The following PLCB1 variants were observed in gnomAD, a reference collection of about 807,000 sequenced individuals.
PLCB1 encodes the protein phospholipase C beta 1, also known as 1-phosphatidylinositol 4,5-bisphosphate phosphodiesterase beta-1.
In PLCB1, 46 loss-of-function variants were observed where a neutral mutation model predicts 161.8. The ratio of observed to expected loss-of-function variants is 0.28; its 90% CI spans 0.22 to 0.36. PLCB1 has a LOEUF of 0.36. Ranked by LOEUF, PLCB1 falls within the 10% of genes least tolerant of loss-of-function variation. The pLI is 1.00. For synonymous variants in PLCB1, 517 were observed against 503.7 expected (o/e 1.03, Z -0.35); for missense variants, 1,016 against 1,472.5 (o/e 0.69, Z 5.07).
intron 3 of PLCB1, among the ~76,000 whole-genome samples, chr20:8,613,310 G>A (rs532527060): frequency 1.3e-5 from 2 of 152,230 alleles, no homozygotes; most frequent in East Asian, 3.9e-4. Context: ...AAGTGCTCAG[G>A]TATTAGAGCA....
chr20:8,803,299 G>A (rs1568605746), intron 31 of PLCB1, among the ~76,000 whole-genome samples: 2 of 152,126 alleles, frequency 1.3e-5, no homozygotes, highest in South Asian at 2.1e-4. Context: ...GTTCCAGGGA[G>A]CACATTTTAA....
intron 13 of PLCB1, 118 bp downstream of exon 13, chr20:8,716,466 G>A: frequency 1.3e-6 from 1 of 779,460 alleles, no homozygotes; most frequent in Non-Finnish European, 2.2e-6. Flanking sequence ...TGCAGTTGGT[G>A]ATGAAATCTT....
chr20:8,514,406 C>T (rs1480022977), intron 3 of PLCB1, among the ~76,000 whole-genome samples: 2 of 148,822 alleles, frequency 1.3e-5, no homozygotes, highest in Non-Finnish European at 1.5e-5. Context: ...GGCCACTACA[C>T]TCCAGCCTGC....
chr20:8,152,259 A>G (rs190458907), intron 2 of PLCB1, among the ~76,000 whole-genome samples: 6 of 152,232 alleles, frequency 3.9e-5, no homozygotes, highest in Non-Finnish European at 5.9e-5. Flanking sequence ...CTTAGTGATC[A>G]TATATCTTAG....
At position 8,882,748 on chromosome 20, in the gene PLCB1, C is replaced by T. The variant is rs927135002; in HGVS notation, c.*899C>T. The T allele has an allele frequency of 2.0e-5, 3 of 151,934 alleles. No individual in the cohort carries two copies. Among genetic ancestry groups the T allele is most frequent in the South Asian group, 2.1e-4 (1 of 4,800 alleles). The allele number at this position is 151,934 out of a possible 1,614,324, so 9.4% of individuals were successfully genotyped here. Reference sequence around the variant, plus strand: ...GAACAGGTTCCGGTGGTTATTTTGCCGTTTGACATTTTTTATGGTTCATTT... The same window carrying T: ...GAACAGGTTCCGGTGGTTATTTTGCTGTTTGACATTTTTTATGGTTCATTT... On this transcript the variant is annotated 3_prime_UTR_variant, in exon 32 of 32. Coordinates refer to ENST00000338037, the MANE Select transcript of PLCB1 (RefSeq NM_015192.4).
intron 31 of PLCB1, among the ~76,000 whole-genome samples, chr20:8,854,989 A>G (rs191681767): frequency 1.3e-5 from 2 of 152,380 alleles, no homozygotes; most frequent in East Asian, 3.9e-4. Flanking sequence ...AGTTTAAATA[A>G]CATAACGGAG....
chr20:8,865,461 C>G (rs1238921731), intron 31 of PLCB1, among the ~76,000 whole-genome samples: 2 of 152,126 alleles, frequency 1.3e-5, no homozygotes, highest in Non-Finnish European at 2.9e-5. Context: ...ATAAATCATG[C>G]AACACAAAAT....
At chr20:8,512,604 G>A (rs1269964184) in intron 3 of PLCB1, among the ~76,000 whole-genome samples, 1 of 151,662 alleles carries the variant, frequency 6.6e-6, no homozygotes, top group East Asian at 1.9e-4. Context: ...CATTTATGGG[G>A]TGCATTTATG....
At chr20:8,840,259 G>A (rs750165970) in intron 31 of PLCB1, among the ~76,000 whole-genome samples, 12 of 152,074 alleles carry the variant, frequency 7.9e-5, no homozygotes, top group South Asian at 2.1e-4. Flanking sequence ...ATAGCCCTGC[G>A]CCTCAGTCAG....
chr20:8,827,609 G>A (rs542929982), intron 31 of PLCB1, among the ~76,000 whole-genome samples: 1 of 152,286 alleles, frequency 6.6e-6, no homozygotes, highest in East Asian at 1.9e-4. Flanking sequence ...GTGTTCCCAT[G>A]TAGCTAGTGG....
intron 31 of PLCB1, among the ~76,000 whole-genome samples, chr20:8,866,941 T>A (rs1224076120): frequency 6.6e-6 from 1 of 152,106 alleles, no homozygotes; most frequent in Non-Finnish European, 1.5e-5. Context: ...TAGGACATAC[T>A]CCCTTAAGCA....
chr20:8,606,284 A>G (rs557681185), intron 3 of PLCB1, among the ~76,000 whole-genome samples: 1 of 152,350 alleles, frequency 6.6e-6, no homozygotes, highest in East Asian at 1.9e-4. Context: ...ACATGTTTTT[A>G]TCATTTATTA....
At chr20:8,403,509 G>A (rs1212319808) in intron 3 of PLCB1, among the ~76,000 whole-genome samples, 1 of 152,210 alleles carries the variant, frequency 6.6e-6, no homozygotes, top group African/African-American at 2.4e-5. Context: ...TTGCCCAGTG[G>A]TGCCGTAGGT....
At chr20:8,178,472 T>C (rs990105577) in intron 2 of PLCB1, among the ~76,000 whole-genome samples, 1 of 152,216 alleles carries the variant, frequency 6.6e-6, no homozygotes, top group Non-Finnish European at 1.5e-5. Context: ...TCATGTCCTC[T>C]GCCTACTTTT....
chr20:8,593,511 C>T (rs767148693), intron 3 of PLCB1, among the ~76,000 whole-genome samples: 17 of 152,178 alleles, frequency 1.1e-4, no homozygotes, highest in Non-Finnish European at 2.1e-4. Context: ...GGCTTTTATT[C>T]CCAGTTACAT....
chr20:8,175,442 A>C (rs565495306), intron 2 of PLCB1, among the ~76,000 whole-genome samples: 1 of 133,990 alleles, frequency 7.5e-6, no homozygotes, highest in Non-Finnish European at 1.6e-5. Flanking sequence ...TTGGATATTC[A>C]TAGGCAAAAA....
intron 3 of PLCB1, among the ~76,000 whole-genome samples, chr20:8,483,309 C>A (rs1030463694): frequency 7.9e-5 from 12 of 152,158 alleles, no homozygotes; most frequent in African/African-American, 2.9e-4. Context: ...GCTGTTCTAC[C>A]TTTTTCTAAA....
rs1033682128 is a variant in PLCB1 at position 8,882,280 on chromosome 20, G to A, written c.*431G>A. On this transcript the variant is annotated 3_prime_UTR_variant, in exon 32 of 32. Coordinates refer to ENST00000338037, the MANE Select transcript of PLCB1 (RefSeq NM_015192.4). ...AACACTATTGAACAGCCGACTTTGA[G>A]CATTGTTTCTTCTAACTGCCCCTCA... 6.7e-5 allele frequency: 11 copies of A among 163,094 alleles called. No homozygotes were observed. The highest frequency in any genetic ancestry group is 2.4e-4 in the African/African-American group (10 of 41,516). 10.1% of individuals were successfully genotyped at this position (163,094 alleles called of 1,614,324 possible).
intron 11 of PLCB1, among the ~76,000 whole-genome samples, chr20:8,706,413 G>A (rs767869143): frequency 6.6e-6 from 1 of 152,182 alleles, no homozygotes; most frequent in African/African-American, 2.4e-5. Flanking sequence ...TTTGTATCAG[G>A]ATGATAGCAG....
Sources: gnomAD v4.1 joint callset for allele counts (sites outside exome capture counted in the v4.1 genomes callset) on GRCh38, gnomAD v4.1.1 for gene constraint, MANE v1.5 for transcripts, NCBI Gene and HGNC (gene_info 2026-07-23, HGNC 2026-07-21) for gene names.